The following TNRC6B variants were observed in gnomAD, a reference collection of about 807,000 sequenced individuals.
TNRC6B encodes the protein trinucleotide repeat containing adaptor 6B, also known as trinucleotide repeat-containing gene 6B protein.
Under a neutral mutation model 203.6 loss-of-function variants are expected in TNRC6B, and 52 were observed. That is an observed-to-expected ratio of 0.26 (90% confidence interval 0.20 to 0.32). TNRC6B has a LOEUF of 0.32. TNRC6B is among the 10% of genes least tolerant of loss of function. The probability of loss-of-function intolerance (pLI) is 1.00; values close to 1 mark genes in which losing one functional copy is unlikely to be tolerated. For missense variants in TNRC6B, 1,923 were observed against 2,286.2 expected (o/e 0.84, Z 3.24); for synonymous variants, 838 against 845.7 (o/e 0.99, Z 0.16).
intron 1 of TNRC6B, among the ~76,000 whole-genome samples, chr22:40,204,860 C>T (rs1412997082): frequency 6.6e-6 from 1 of 152,188 alleles, no homozygotes; most frequent in Non-Finnish European, 1.5e-5. Flanking sequence ...CTAAAATGGG[C>T]ATAGGAAAAA....
At chr22:40,211,663 A>C (rs2069565447) in intron 1 of TNRC6B, among the ~76,000 whole-genome samples, 4 of 152,146 alleles carry the variant, frequency 2.6e-5, no homozygotes, top group Admixed American at 2.0e-4. Context: ...ACGTGCTTGC[A>C]TGTGCTTTGC....
At chr22:40,233,669 C>A (rs930790363) in intron 1 of TNRC6B, among the ~76,000 whole-genome samples, 1 of 152,094 alleles carries the variant, frequency 6.6e-6, no homozygotes, top group Non-Finnish European at 1.5e-5. Context: ...TAATTCCAGA[C>A]AAGCCAATTC....
chr22:40,106,376 A>G, intron 1 of TNRC6B: 1 of 1,223,112 alleles, frequency 8.2e-7, no homozygotes, highest in Non-Finnish European at 1.2e-6. Context: ...CAGCATCTCC[A>G]CCTTCTACAA....
intron 1 of TNRC6B, among the ~76,000 whole-genome samples, chr22:40,059,344 A>G (rs1024326637): frequency 2.6e-5 from 4 of 152,252 alleles, no homozygotes. Flanking sequence ...TGCTAATTGC[A>G]TTCATTAGTT....
intron 12 of TNRC6B, among the ~76,000 whole-genome samples, chr22:40,298,883 G>A (rs1007971869): frequency 2.0e-5 from 3 of 151,870 alleles, no homozygotes; most frequent in East Asian, 3.9e-4. Context: ...GGAGAATGGC[G>A]TGAACCCAGG....
intron 2 of TNRC6B, chr22:40,246,476 T>G (rs1346315204): frequency 6.3e-6 from 1 of 158,838 alleles, no homozygotes; most frequent in Non-Finnish European, 1.4e-5. Flanking sequence ...TGTGAGCCAC[T>G]GCACCTGGCC....
intron 3 of TNRC6B, among the ~76,000 whole-genome samples, chr22:40,141,299 G>A (rs1333582845): frequency 1.5e-5 from 2 of 136,698 alleles, no homozygotes; most frequent in Admixed American, 1.7e-4. Flanking sequence ...TCCACCTCCC[G>A]GGTTCAGGCG....
intron 2 of TNRC6B, among the ~76,000 whole-genome samples, chr22:40,249,339 GCTAAAA>G (rs1470328480): frequency 6.6e-5 from 10 of 152,318 alleles, no homozygotes; most frequent in Admixed American, 3.3e-4. Context: ...CTTACTTAAA[GCTAAAA>G]CTAAATTACC....
At chr22:40,201,104 G>A (rs2069406698) in intron 1 of TNRC6B, among the ~76,000 whole-genome samples, 1 of 152,322 alleles carries the variant, frequency 6.6e-6, no homozygotes, top group African/African-American at 2.4e-5. Flanking sequence ...GTAAATGGTA[G>A]CTCCCACTGA....
At chr22:40,141,869 G>C (rs2068647229) in intron 3 of TNRC6B, among the ~76,000 whole-genome samples, 1 of 151,890 alleles carries the variant, frequency 6.6e-6, no homozygotes, top group Non-Finnish European at 1.5e-5. Flanking sequence ...CTGCCTCCCA[G>C]GTTCACGCCA....
Position 40,067,492 on chromosome 22 carries a change from G to A in TNRC6B, c.-121+22494G>A, listed in dbSNP as rs571698283. On this transcript the variant is annotated intron_variant, in intron 1 of 23. Transcript: ENST00000301923. ...ATTGGCTCCTGTGATTATGAAGGCC[G>A]AGAAGTCCCACAATAGCCCGTCTGC... Among the ~76,000 whole-genome samples, 16 of 152,196 alleles carry A rather than the reference G, an allele frequency of 1.1e-4. No individual in the cohort carries two copies. The South Asian group carries it at 1.4e-3, about 14-fold the overall frequency.
chr22:40,232,785 G>A (rs952547106), intron 1 of TNRC6B, among the ~76,000 whole-genome samples: 2 of 152,242 alleles, frequency 1.3e-5, no homozygotes, highest in African/African-American at 2.4e-5. Flanking sequence ...GGCCAAGGCA[G>A]GCGGATCACT....
intron 1 of TNRC6B, among the ~76,000 whole-genome samples, chr22:40,184,945 C>T (rs577440577): frequency 8.2e-4 from 125 of 152,234 alleles, no homozygotes; most frequent in South Asian, 1.9e-3. Flanking sequence ...ATTACAGGTC[C>T]GGTCTGGAGA....
intron 4 of TNRC6B, among the ~76,000 whole-genome samples, chr22:40,159,512 G>A (rs954947299): frequency 5.3e-5 from 8 of 151,422 alleles, no homozygotes; most frequent in South Asian, 2.1e-4. Context: ...GGTGGCGGGC[G>A]CCTGTAGTCC....
intron 1 of TNRC6B, among the ~76,000 whole-genome samples, chr22:40,083,383 G>A (rs1330069236): frequency 1.3e-5 from 2 of 152,206 alleles, no homozygotes; most frequent in African/African-American, 4.8e-5. Flanking sequence ...TGGATTGGCA[G>A]CATGGATATT....
upstream of TNRC6B, chr22:40,177,887 C>G (rs1021643672): frequency 1.5e-6 from 2 of 1,328,962 alleles, no homozygotes; most frequent in Non-Finnish European, 1.9e-6. Flanking sequence ...GTCACATGAT[C>G]TGCCTCTATT....
intron 1 of TNRC6B, among the ~76,000 whole-genome samples, chr22:40,048,410 G>C (rs1179318982): frequency 6.6e-6 from 1 of 152,050 alleles, no homozygotes; most frequent in African/African-American, 2.4e-5. Flanking sequence ...GTGTGGCGGC[G>C]CATGCCTGTA....
rs375322900 is a variant in TNRC6B at position 40,265,288 on chromosome 22, C to G, written c.1058C>G (p.Ala353Gly). The change falls in exon 5 of 23, where the codon GCG becomes GGG. Residue 353 changes from alanine to glycine, a missense_variant. Around this residue, in one of 8 missense-constraint regions of TNRC6B, gnomAD observed 614 missense variants for 587.7 expected, o/e 1.04. Transcript: ENST00000454349. ...GAACAGCAGTCAAAGATGGAAAATG[C>G]GGGTGTTAATTTTGTTGTCTCTGGC... ...SREQQSKMEN[A>G]GVNFVVSGRE... The G allele has an allele frequency of 6.2e-7, 1 of 1,613,948 alleles. No individual in the cohort carries two copies. Among genetic ancestry groups the G allele is most frequent in the Non-Finnish European group, 8.5e-7 (1 of 1,179,864 alleles).
intron 1 of TNRC6B, among the ~76,000 whole-genome samples, chr22:40,232,869 T>G (rs2069893945): frequency 6.6e-6 from 1 of 151,914 alleles, no homozygotes; most frequent in Non-Finnish European, 1.5e-5. Flanking sequence ...TAGCCGGGCG[T>G]GGCTGGGCGC....
Sources: allele counts gnomAD v4.1 joint callset (sites outside exome capture counted in the v4.1 genomes callset), GRCh38; gene constraint gnomAD v4.1.1; regional missense constraint gnomAD v4.1.1; transcripts MANE v1.5; gene names NCBI Gene and HGNC (gene_info 2026-07-23, HGNC 2026-07-21).